DSCAM: variants seen among roughly 807,000 people sequenced by gnomAD.
The protein encoded by DSCAM is DS cell adhesion molecule, also known as cell adhesion molecule DSCAM.
A neutral mutation model predicts 217.7 loss-of-function variants in DSCAM; 47 were observed. The ratio of observed to expected loss-of-function variants is 0.22; its 90% CI spans 0.17 to 0.28. DSCAM has a LOEUF of 0.28. DSCAM is among the 10% of genes least tolerant of loss of function. The pLI is 1.00. For missense variants in DSCAM, 2,080 were observed against 2,618.3 expected (o/e 0.79, Z 4.49); for synonymous variants, 1,056 against 1,015.3 (o/e 1.04, Z -0.76).
intron 3 of DSCAM, among the ~76,000 whole-genome samples, chr21:40,597,526 A>C (rs373528363): frequency 8.7e-4 from 65 of 74,614 alleles, no homozygotes; most frequent in African/African-American, 4.2e-3. Flanking sequence ...TTTTTTTTGG[A>C]GACAGAGTTT....
intron 3 of DSCAM, among the ~76,000 whole-genome samples, chr21:40,375,358 G>A (rs574458648): frequency 1.3e-5 from 2 of 152,316 alleles, no homozygotes; most frequent in Admixed American, 1.3e-4. Flanking sequence ...CACTTATGAT[G>A]GTCTATGATA....
In DSCAM at chr21:40,696,827, G is replaced by A. The variant is rs568583872; in HGVS notation, c.362-3871C>T. Among the ~76,000 whole-genome samples, 23 of 152,158 alleles carry A rather than the reference G, an allele frequency of 1.5e-4. No individual in the cohort carries two copies. The South Asian group carries it at 4.2e-3, about 27-fold the overall frequency. On this transcript the variant is annotated intron_variant, in intron 2 of 32. Coordinates refer to ENST00000400454, the MANE Select transcript of DSCAM (RefSeq NM_001389.5). ...GTACATATTCTGGGGTACATGTGAT[G>A]TTTTCATACCTGTATAAAATGTATA...
chr21:40,842,780 T>C (rs952772093), intron 1 of DSCAM, among the ~76,000 whole-genome samples: 1 of 152,236 alleles, frequency 6.6e-6, no homozygotes, highest in African/African-American at 2.4e-5. Flanking sequence ...GCGCTGGTTC[T>C]GCCCCCCGTG....
intron 3 of DSCAM, among the ~76,000 whole-genome samples, chr21:40,518,587 T>TAC (rs528816464): frequency 4.5e-5 from 4 of 89,068 alleles, no homozygotes; most frequent in African/African-American, 1.7e-4. Flanking sequence ...CACACACATA[T>TAC]ACACACACAC....
intron 3 of DSCAM, among the ~76,000 whole-genome samples, chr21:40,526,318 T>C (rs7281407): frequency 0.03 from 4,512 of 152,240 alleles, 208 homozygotes; most frequent in African/African-American, 0.098. Flanking sequence ...GGGAATATTG[T>C]TCATGCCTTG....
At chr21:40,087,025 C>T (rs976770606) in intron 22 of DSCAM, 145 bp downstream of exon 22, 6 of 648,412 alleles carry the variant, frequency 9.3e-6, no homozygotes, top group African/African-American at 9.0e-5. Context: ...CTTCTCTGCC[C>T]TCATCTCAGA....
intron 3 of DSCAM, among the ~76,000 whole-genome samples, chr21:40,389,035 C>T (rs762481888): frequency 5.4e-4 from 82 of 152,124 alleles, no homozygotes; most frequent in Non-Finnish European, 1.0e-3. Context: ...TGTAATTCAA[C>T]ATGTATTTAA....
rs149070415 is a variant in DSCAM at position 40,357,603 on chromosome 21, G to A, written c.656-3860C>T. 1.6e-3 allele frequency among the ~76,000 whole-genome samples: 236 copies of A among 152,162 alleles called. 1 individual carries two copies. The highest frequency in any genetic ancestry group is 5.2e-3 in the African/African-American group (217 of 41,506). On this transcript the variant is annotated intron_variant, in intron 4 of 32. Transcript: ENST00000400454. ...GTAGAAATCACATCCAAGATAATAT[G>A]TATTACTTGGGGTAAGCTTCTCTAT...
chr21:40,350,523 A>C (rs1279805236), intron 5 of DSCAM, among the ~76,000 whole-genome samples: 1 of 152,132 alleles, frequency 6.6e-6, no homozygotes, highest in Non-Finnish European at 1.5e-5. Context: ...TTTTCATCTC[A>C]CCACACTTTG....
At chr21:40,296,521 A>C (rs573724784) in intron 9 of DSCAM, among the ~76,000 whole-genome samples, 12 of 152,286 alleles carry the variant, frequency 7.9e-5, no homozygotes, top group African/African-American at 2.9e-4. Flanking sequence ...GGAAAATTGA[A>C]TCAGAATCAC....
Position 40,108,911 on chromosome 21 carries a change from A to G in DSCAM, c.3697-15037T>C, listed in dbSNP as rs189647140. Among the ~76,000 whole-genome samples the G allele has an allele frequency of 1.4e-3, 208 of 152,342 alleles. 1 individual carries two copies. Among genetic ancestry groups the G allele is most frequent in the Non-Finnish European group, 9.3e-4 (63 of 68,036 alleles). On this transcript the variant is annotated intron_variant, in intron 20 of 32. Transcript: ENST00000400454. ...ACAAGCAATGGGGAAAGGACTCCCT[A>G]TTCAATAAATGGTGCTGGGATAACT...
intron 20 of DSCAM, among the ~76,000 whole-genome samples, chr21:40,113,506 C>T (rs977542822): frequency 6.6e-6 from 1 of 152,186 alleles, no homozygotes; most frequent in Non-Finnish European, 1.5e-5. Flanking sequence ...TGGCACAAGA[C>T]AGGGATGCCC....
intron 3 of DSCAM, among the ~76,000 whole-genome samples, chr21:40,502,569 C>G (rs945571944): frequency 6.6e-6 from 1 of 152,022 alleles, no homozygotes; most frequent in African/African-American, 2.4e-5. Context: ...TGCCCAAACC[C>G]CTCGGTTCAT....
At chr21:40,655,590 G>C (rs1416722769) in intron 3 of DSCAM, among the ~76,000 whole-genome samples, 3 of 151,912 alleles carry the variant, frequency 2.0e-5, no homozygotes, top group Non-Finnish European at 4.4e-5. Context: ...CTACAGGTGT[G>C]CACCACCATG....
chr21:40,647,707 T>C (rs1429386347), intron 3 of DSCAM, among the ~76,000 whole-genome samples: 3 of 152,244 alleles, frequency 2.0e-5, no homozygotes, highest in Non-Finnish European at 4.4e-5. Flanking sequence ...TAGAACTACA[T>C]ACCTTCAAAC....
chr21:40,570,780 T>G (rs9305699), intron 3 of DSCAM, among the ~76,000 whole-genome samples: 3 of 151,890 alleles, frequency 2.0e-5, no homozygotes, highest in South Asian at 2.1e-4. Flanking sequence ...AGACTGGACA[T>G]AGAAGAGAAA....
At chr21:40,699,673 C>T (rs1040208376) in intron 2 of DSCAM, among the ~76,000 whole-genome samples, 5 of 152,272 alleles carry the variant, frequency 3.3e-5, no homozygotes, top group South Asian at 4.1e-4. Flanking sequence ...TTGCCTTAAG[C>T]GAAAGCCTAA....
intron 3 of DSCAM, among the ~76,000 whole-genome samples, chr21:40,598,878 G>T (rs1244722931): frequency 6.6e-6 from 1 of 151,976 alleles, no homozygotes; most frequent in Non-Finnish European, 1.5e-5. Context: ...TAAGTTTTTT[G>T]AATTTTAGCC....
In DSCAM at chr21:40,087,119, G is replaced by C. The variant is rs139578480; in HGVS notation, c.3968+51C>G. On this transcript the variant is annotated intron_variant, in intron 22 of 32. Coordinates refer to ENST00000400454, the MANE Select transcript of DSCAM (RefSeq NM_001389.5). ...CACTAGACACAACCTGAGTATGTCA[G>C]ATGTAATCTCTTAGAGTCTCACTGA... The C allele has an allele frequency of 4.9e-3, 6,490 of 1,335,854 alleles. 19 individuals carry two copies. The highest frequency in any genetic ancestry group is 0.012 in the Middle Eastern group (67 of 5,560). 82.8% of individuals were successfully genotyped at this position (1,335,854 alleles called of 1,614,324 possible).
Sources: allele counts gnomAD v4.1 joint callset (sites outside exome capture counted in the v4.1 genomes callset), GRCh38; gene constraint gnomAD v4.1.1; transcripts MANE v1.5; gene names NCBI Gene and HGNC (gene_info 2026-07-23, HGNC 2026-07-21).